KIAA1217: variants seen among roughly 807,000 people sequenced by gnomAD.
The protein encoded by KIAA1217 is sickle tail protein homolog.
A neutral mutation model predicts 163.9 loss-of-function variants in KIAA1217; 88 were observed. The ratio of observed to expected loss-of-function variants is 0.54; its 90% confidence interval spans 0.45 to 0.64. The LOEUF (loss-of-function observed/expected upper bound fraction) is 0.64. Among genes scored for constraint, KIAA1217 ranks in the 30% least tolerant of loss-of-function variants. The pLI, the probability that KIAA1217 is intolerant of heterozygous loss-of-function variation, is 0.00. For synonymous variants in KIAA1217, 903 were observed against 923.1 expected (o/e 0.98, Z 0.39); for missense variants, 2,372 against 2,475.0 (o/e 0.96, Z 0.88).
At chr10:24,498,258 A>T (rs1391844664) in intron 8 of KIAA1217, among the ~76,000 whole-genome samples, 2 of 152,106 alleles carry the variant, frequency 1.3e-5, no homozygotes, top group Admixed American at 1.3e-4. Flanking sequence ...CAGAGGAAGG[A>T]GTTAGAAAAG....
chr10:24,093,165 A>T (rs910858603), intron 2 of KIAA1217, among the ~76,000 whole-genome samples: 3 of 149,538 alleles, frequency 2.0e-5, no homozygotes, highest in African/African-American at 7.5e-5. Context: ...AGTTATTTTT[A>T]TTTATTTATT....
chr10:24,143,873 G>C (rs1186749637), intron 2 of KIAA1217, among the ~76,000 whole-genome samples: 3 of 151,910 alleles, frequency 2.0e-5, no homozygotes, highest in African/African-American at 7.3e-5. Context: ...GGATCATATG[G>C]TACCAGGCAT....
chr10:23,865,405 A>G (rs1564489366), intron 1 of KIAA1217, among the ~76,000 whole-genome samples: 1 of 152,164 alleles, frequency 6.6e-6, no homozygotes, highest in Non-Finnish European at 1.5e-5. Context: ...GAATTAAATC[A>G]TATTCCTTGC....
At position 23,988,833 on chromosome 10, in the gene KIAA1217, CT is replaced by C. The variant is rs1164148233; in HGVS notation, c.-320-18388del. Among the ~76,000 whole-genome samples, 9 of 152,216 alleles carry C rather than the reference CT, an allele frequency of 5.9e-5. 1 individual carries two copies. Among genetic ancestry groups the C allele is most frequent in the African/African-American group, 2.2e-4 (9 of 41,560 alleles). On this transcript the variant is annotated intron_variant, in intron 1 of 18. Transcript: ENST00000376462. ...AATGATATTGGGAAAATGACATTGACTTTTAAGAAATTAACACCAGTGTTCC... is the reference window on the plus strand; with the variant it reads ...AATGATATTGGGAAAATGACATTGACTTTAAGAAATTAACACCAGTGTTCC...
chr10:24,432,989 G>GT lies in KIAA1217; in HGVS notation c.554-5dup. 1 of 1,613,430 alleles carries GT rather than the reference G, an allele frequency of 6.2e-7. No homozygotes were observed. The highest frequency in any genetic ancestry group is 1.1e-5 in the South Asian group (1 of 91,052). ...TGTGACTAATAACTGTTTCCTTTGT[G>GT]TGCAGGGGTTCTCTATCTCCAGTAT... On this transcript the variant is annotated splice_polypyrimidine_tract_variant and splice_region_variant and intron_variant, in intron 3 of 20. Transcript: ENST00000376454.
At chr10:24,051,330 A>C (rs758445465) in intron 2 of KIAA1217, among the ~76,000 whole-genome samples, 4 of 152,144 alleles carry the variant, frequency 2.6e-5, no homozygotes, top group Admixed American at 6.6e-5. Context: ...GGCTGGTTCC[A>C]CATTTTTGCA....
At chr10:24,165,850 C>T (rs1414054917) in intron 2 of KIAA1217, among the ~76,000 whole-genome samples, 1 of 152,142 alleles carries the variant, frequency 6.6e-6, no homozygotes, top group Non-Finnish European at 1.5e-5. Context: ...TTTGCTGAAC[C>T]TTTAGCAAGA....
chr10:24,145,503 C>T (rs888482768), intron 2 of KIAA1217, among the ~76,000 whole-genome samples: 2 of 152,190 alleles, frequency 1.3e-5, no homozygotes, highest in African/African-American at 2.4e-5. Context: ...TAAGTGTTTA[C>T]TGAGCGTATC....
intron 1 of KIAA1217, among the ~76,000 whole-genome samples, chr10:23,861,749 C>T (rs1230170281): frequency 6.6e-6 from 1 of 152,104 alleles, no homozygotes; most frequent in Non-Finnish European, 1.5e-5. Context: ...GAATTTGGAC[C>T]TCAGTCCTGC....
rs11411265 is a variant in KIAA1217, at chr10:24,547,056, C to CTTTTTTTTTTTTTTTTTTTTTT, written c.*748_*749insTTTTTTTTTTTTTTTTTTTTTT. On this transcript the variant is annotated 3_prime_UTR_variant, in exon 21 of 21. Coordinates refer to ENST00000376454, the MANE Select transcript of KIAA1217 (RefSeq NM_019590.5). ...GCTTCTTTTCTTTCTTTTTTCCTTC[C>CTTTTTTTTTTTTTTTTTTTTTT]TTTTTTTTTTTTTTTTCTTTTTTAA... 1 of 127,946 alleles carries CTTTTTTTTTTTTTTTTTTTTTT rather than the reference C, an allele frequency of 7.8e-6. No homozygotes were observed. The highest frequency in any genetic ancestry group is 1.6e-5 in the Non-Finnish European group (1 of 62,538). 7.9% of individuals were successfully genotyped at this position (127,946 alleles called of 1,614,324 possible).
rs951665684 is a variant in KIAA1217, at chr10:23,790,010, C to T, written c.-321+94776C>T. 8.3e-5 allele frequency among the ~76,000 whole-genome samples: 9 copies of T among 108,164 alleles called. 1 individual carries two copies. The highest frequency in any genetic ancestry group is 3.0e-4 in the Admixed American group (3 of 10,136). 71.0% of individuals were successfully genotyped at this position (108,164 alleles called of 152,430 possible). The stretch of plus-strand genomic sequence containing the variant: ...ATATACATATACACATATGCACATA[C>T]ACATATACACATATGCATATACACA... On this transcript the variant is annotated intron_variant, in intron 1 of 18. Transcript: ENST00000376462.
At chr10:24,345,207 C>A (rs992305402) in intron 2 of KIAA1217, among the ~76,000 whole-genome samples, 12 of 152,124 alleles carry the variant, frequency 7.9e-5, no homozygotes, top group African/African-American at 2.9e-4. Context: ...CTAACACACA[C>A]AAAAAAGGGG....
At chr10:23,995,194 A>G (rs1056152566) in intron 1 of KIAA1217, among the ~76,000 whole-genome samples, 1 of 152,056 alleles carries the variant, frequency 6.6e-6, no homozygotes, top group Non-Finnish European at 1.5e-5. Flanking sequence ...CCTCGGGGAG[A>G]TCATGGTCTC....
intron 2 of KIAA1217, among the ~76,000 whole-genome samples, chr10:24,254,359 T>C (rs2074901228): frequency 6.6e-6 from 1 of 152,222 alleles, no homozygotes; most frequent in African/African-American, 2.4e-5. Context: ...TATGAGTTGG[T>C]CTCATAGCCT....
At chr10:23,996,824 GAAGA>G (rs925329894) in intron 1 of KIAA1217, among the ~76,000 whole-genome samples, 10 of 152,074 alleles carry the variant, frequency 6.6e-5, no homozygotes, top group Admixed American at 6.5e-4. Flanking sequence ...TCAAAAGAAT[GAAGA>G]GAGATGCTAG....
chr10:23,851,146 AAT>A (rs1222586825), intron 1 of KIAA1217, among the ~76,000 whole-genome samples: 1 of 152,004 alleles, frequency 6.6e-6, no homozygotes, highest in Non-Finnish European at 1.5e-5. Flanking sequence ...TATATCTCCT[AAT>A]GCTATCCCTC....
intron 1 of KIAA1217, among the ~76,000 whole-genome samples, chr10:23,730,602 A>G (rs947604505): frequency 1.3e-5 from 2 of 152,196 alleles, no homozygotes; most frequent in Non-Finnish European, 2.9e-5. Flanking sequence ...TGTCTTGACA[A>G]TATTGAGTCT....
intron 6 of KIAA1217, among the ~76,000 whole-genome samples, chr10:24,478,656 G>C (rs949854813): frequency 2.9e-4 from 44 of 152,312 alleles, no homozygotes; most frequent in Non-Finnish European, 3.8e-4. Flanking sequence ...GTGACCAGGA[G>C]AGACTGCCCA....
At chr10:24,356,721 T>G (rs1474976731) in intron 2 of KIAA1217, among the ~76,000 whole-genome samples, 1 of 152,214 alleles carries the variant, frequency 6.6e-6, no homozygotes, top group African/African-American at 2.4e-5. Context: ...TCCCTTGCCC[T>G]TCCACAATTC....
Sources: gnomAD v4.1 joint callset for allele counts (sites outside exome capture counted in the v4.1 genomes callset) on GRCh38, gnomAD v4.1.1 for gene constraint, MANE v1.5 for transcripts, NCBI Gene and HGNC (gene_info 2026-07-23, HGNC 2026-07-21) for gene names.